Variants in PCDHGA9 observed in about 807,000 individuals in gnomAD.
PCDHGA9 encodes the protein protocadherin gamma subfamily A, 9, also known as protocadherin gamma-A9.
PCDHGA9 carries 37 observed loss-of-function variants against 62.5 expected under a neutral mutation model. The ratio of observed to expected loss-of-function variants is 0.59; its 90% CI spans 0.46 to 0.78. PCDHGA9 has a LOEUF of 0.78. Among genes scored for constraint, PCDHGA9 ranks in the 30% least tolerant of loss-of-function variants. The pLI is 0.00. For missense variants in PCDHGA9, 1,138 were observed against 1,166.2 expected (o/e 0.98, Z 0.35); for synonymous variants, 459 against 484.6 (o/e 0.95, Z 0.69).
rs1373678836 is a variant in PCDHGA9, at chr5:141,477,459, C to T, written c.2425-17348C>T. 6.2e-7 allele frequency: 1 copy of T among 1,614,186 alleles called. No homozygotes were observed. The highest frequency in any genetic ancestry group is 8.5e-7 in the Non-Finnish European group (1 of 1,180,034). On this transcript the variant is annotated intron_variant, in intron 1 of 3. Coordinates refer to ENST00000573521, the MANE Select transcript of PCDHGA9 (RefSeq NM_018921.3). This position sits in a 1 kb window ranked among gnomAD's most constrained non-coding sequence, Gnocchi z 4.9. ...CTTACAATAGTGCGTGTTCAAGTGTCCGACATCAATGACAACCCTCCACAA... is the reference window on the plus strand; with the variant it reads ...CTTACAATAGTGCGTGTTCAAGTGTTCGACATCAATGACAACCCTCCACAA...
intron 1 of PCDHGA9, chr5:141,423,620 C>G: frequency 6.2e-7 from 1 of 1,608,268 alleles, no homozygotes; most frequent in Non-Finnish European, 8.5e-7. Flanking sequence ...GCTGAAGACT[C>G]AGCTATCATT....
intron 1 of PCDHGA9, among the ~76,000 whole-genome samples, chr5:141,435,592 C>T (rs573084790): frequency 1.3e-5 from 2 of 152,060 alleles, no homozygotes; most frequent in African/African-American, 2.4e-5. Flanking sequence ...GCAGTAATAT[C>T]GCCTGCTTTT....
At chr5:141,435,925 A>G (rs978837252) in intron 1 of PCDHGA9, among the ~76,000 whole-genome samples, 16 of 152,166 alleles carry the variant, frequency 1.1e-4, no homozygotes, top group Non-Finnish European at 1.5e-5. Context: ...AAAATGCGGC[A>G]GTTGCTGCTT....
intron 1 of PCDHGA9, chr5:141,414,536 C>T (rs2095757034): frequency 6.2e-7 from 1 of 1,613,976 alleles, no homozygotes; most frequent in African/African-American, 1.3e-5. Context: ...GACAACCCAC[C>T]TACCTTCTCT....
chr5:141,508,800 C>A (rs973992018), intron 3 of PCDHGA9, among the ~76,000 whole-genome samples: 1 of 152,086 alleles, frequency 6.6e-6, no homozygotes, highest in African/African-American at 2.4e-5. Context: ...CTCTGGAATC[C>A]TGGCTCTTTG....
chr5:141,421,309 C>T (rs781110850), intron 1 of PCDHGA9: 9 of 1,613,516 alleles, frequency 5.6e-6, no homozygotes, highest in Admixed American at 1.7e-5. Context: ...GCGGGGGTTC[C>T]GGGCCAGGCA....
Position 141,477,413 on chromosome 5 carries a change from G to A in PCDHGA9, c.2425-17394G>A. ...CCTCAGCATCACCGCCCGAGACGCC[G>A]GAACCCCTTCCCTCTCAGCCCTTAC... On this transcript the variant is annotated intron_variant, in intron 1 of 3. Transcript: ENST00000573521. This position sits in a 1 kb window ranked among gnomAD's most constrained non-coding sequence, Gnocchi z 4.9. 1 of 1,614,080 alleles carries A rather than the reference G, an allele frequency of 6.2e-7. No individual in the cohort carries two copies. Among genetic ancestry groups the A allele is most frequent in the Non-Finnish European group, 8.5e-7 (1 of 1,180,026 alleles).
chr5:141,449,584 G>C (rs2098645697), intron 1 of PCDHGA9, among the ~76,000 whole-genome samples: 1 of 123,190 alleles, frequency 8.1e-6, no homozygotes, highest in South Asian at 2.5e-4. Context: ...GCAAGACTCT[G>C]TCTCAAAAAA....
chr5:141,504,077 G>A (rs939470644), intron 2 of PCDHGA9, among the ~76,000 whole-genome samples: 3 of 152,124 alleles, frequency 2.0e-5, no homozygotes, highest in Non-Finnish European at 2.9e-5. Context: ...GCCAGATGGT[G>A]CCAAACAGTT....
At chr5:141,413,020 C>T in intron 1 of PCDHGA9, 1 of 693,768 alleles carries the variant, frequency 1.4e-6, no homozygotes, top group Non-Finnish European at 2.3e-6. Context: ...CTACACAAGC[C>T]CCACAAACCG....
At chr5:141,412,713 TG>T (rs1172943618) in intron 1 of PCDHGA9, 2 of 152,812 alleles carry the variant, frequency 1.3e-5, no homozygotes, top group Non-Finnish European at 2.9e-5. Context: ...TGTACATTTC[TG>T]TTGGGAAAAC....
intron 1 of PCDHGA9, among the ~76,000 whole-genome samples, chr5:141,483,889 CT>C (rs1298469461): frequency 6.6e-6 from 1 of 151,866 alleles, no homozygotes; most frequent in Admixed American, 6.6e-5. Flanking sequence ...TTCTATTTCT[CT>C]GAGCTCTGGT....
At chr5:141,409,830 G>T in intron 1 of PCDHGA9, 1 of 1,611,250 alleles carries the variant, frequency 6.2e-7, no homozygotes, top group South Asian at 1.1e-5. Flanking sequence ...CCCACGCTCA[G>T]CGCCAACGTG....
At position 141,425,978 on chromosome 5, in the gene PCDHGA9, A is replaced by T. The variant is rs182438141; in HGVS notation, c.2424+20602A>T. Among the ~76,000 whole-genome samples the T allele has an allele frequency of 3.9e-3, 592 of 152,340 alleles. 5 individuals carry two copies. Among genetic ancestry groups the T allele is most frequent in the African/African-American group, 0.014 (563 of 41,588 alleles). ...AGTCCAACACATCAGTCTAATTCTG[A>T]ATCCCATTGAATTAGCAAAGGCTTC... On this transcript the variant is annotated intron_variant, in intron 1 of 3. Coordinates refer to ENST00000573521, the MANE Select transcript of PCDHGA9 (RefSeq NM_018921.3).
At chr5:141,467,280 T>G (rs1021597111) in intron 1 of PCDHGA9, among the ~76,000 whole-genome samples, 58 of 152,272 alleles carry the variant, frequency 3.8e-4, no homozygotes, top group Admixed American at 2.6e-4. Flanking sequence ...CTCGAACTCT[T>G]GACCTCAAGT....
intron 1 of PCDHGA9, among the ~76,000 whole-genome samples, chr5:141,449,041 C>T (rs998143732): frequency 3.3e-5 from 5 of 152,126 alleles, no homozygotes; most frequent in Admixed American, 3.3e-4. Flanking sequence ...GATTATTAAC[C>T]AGTCTCATAA....
chr5:141,492,616 G>A (rs976681246), intron 1 of PCDHGA9, among the ~76,000 whole-genome samples: 1 of 152,252 alleles, frequency 6.6e-6, no homozygotes. Flanking sequence ...CTAAGTGCCG[G>A]GCGGGCAGGA....
intron 3 of PCDHGA9, among the ~76,000 whole-genome samples, chr5:141,509,049 C>G (rs1384134813): frequency 3.3e-5 from 5 of 152,150 alleles, no homozygotes; most frequent in Non-Finnish European, 5.9e-5. Context: ...TCCCCCGCCC[C>G]CAGAAAGCTC....
rs1300060255 is a variant in PCDHGA9 at position 141,403,544 on chromosome 5, C to A, written c.592C>A (p.Arg198Ser). The A allele has an allele frequency of 1.2e-6, 2 of 1,613,970 alleles. No individual in the cohort carries two copies. The highest frequency in any genetic ancestry group is 1.1e-5 in the South Asian group (1 of 91,082). Residue 198 changes from arginine (R) to serine (S), a missense_variant, in exon 1 of 4, where the codon CGC (arginine) becomes AGC (serine). By Grantham distance (110) the Arg-to-Ser change is moderately radical. Transcript: ENST00000573521. ...CATAAACCCAGAGCTGGTGCTGGAG[C>A]GCGCCCTGGACAGGGAGGAGGCAAC... ...GAINPELVLE[R>S]ALDREEATAH...
Sources: allele counts gnomAD v4.1 joint callset (sites outside exome capture counted in the v4.1 genomes callset), GRCh38; gene constraint gnomAD v4.1.1; non-coding constraint Gnocchi (gnomAD v3.1); transcripts MANE v1.5; gene names NCBI Gene and HGNC (gene_info 2026-07-23, HGNC 2026-07-21).